Variants in OR10R2 observed in about 807,000 individuals in gnomAD.
The protein encoded by OR10R2 is olfactory receptor family 10 subfamily R member 2, also known as olfactory receptor 10R2.
In OR10R2, 1 loss-of-function variant was observed where a neutral mutation model predicts 2.4. The observed-to-expected ratio is 0.41, with a 90% CI of 0.15 to 1.95. The LOEUF is 1.95. Among genes scored for constraint, OR10R2 ranks in the 30% most tolerant of loss-of-function variants. The probability of loss-of-function intolerance (pLI) is 0.30; values close to 1 mark genes in which losing one functional copy is unlikely to be tolerated. For synonymous variants in OR10R2, 166 were observed against 144.8 expected (o/e 1.15, Z -1.05); for missense variants, 419 against 373.0 (o/e 1.12, Z -1.01).
chr1:158,480,859 A>G (rs753823538), exon 2 of OR10R2: 1 of 1,523,606 alleles, frequency 6.6e-7, no homozygotes, highest in Admixed American at 2.0e-5. Flanking sequence ...GTTGGGCAAG[A>G]AAGGTTCTCT....
chr1:158,475,483 C>T (rs534084262), intron 1 of OR10R2, among the ~76,000 whole-genome samples: 3 of 151,978 alleles, frequency 2.0e-5, no homozygotes, highest in African/African-American at 7.2e-5. Flanking sequence ...ATTTGAAATA[C>T]ACTTCAAGTT....
At chr1:158,476,821 CTGA>C (rs1656280696) in intron 1 of OR10R2, among the ~76,000 whole-genome samples, 1 of 152,060 alleles carries the variant, frequency 6.6e-6, no homozygotes, top group Non-Finnish European at 1.5e-5. Flanking sequence ...TTGCATTTCT[CTGA>C]TGATTATTGA....
chr1:158,479,790 A>G, intron 1 of OR10R2, 148 bp from the exon 2 acceptor site: 1 of 747,216 alleles, frequency 1.3e-6, no homozygotes, highest in South Asian at 1.8e-5. Context: ...CCATGAACCA[A>G]TGAACATGAG....
chr1:158,472,413 A>G (rs972512860), intron 1 of OR10R2, 61 bp downstream of exon 1: 2 of 398,800 alleles, frequency 5.0e-6, no homozygotes, highest in Non-Finnish European at 8.9e-6. Flanking sequence ...TGTGTAATAT[A>G]TTGGGAATAT....
intron 1 of OR10R2, among the ~76,000 whole-genome samples, chr1:158,476,409 G>T (rs6662673): frequency 4.7e-4 from 72 of 151,736 alleles, no homozygotes; most frequent in African/African-American, 1.6e-3. Flanking sequence ...TTAGCTGGGC[G>T]TGGTGGCAGG....
chr1:158,473,748 C>A (rs890807710), intron 1 of OR10R2, among the ~76,000 whole-genome samples: 1 of 147,912 alleles, frequency 6.8e-6, no homozygotes, highest in Non-Finnish European at 1.5e-5. Context: ...CCTTTCCCTC[C>A]CTTTCTTTAT....
chr1:158,479,963 T>C (rs1656348560), exon 2 of OR10R2: 5 of 1,613,964 alleles, frequency 3.1e-6, no homozygotes, highest in Non-Finnish European at 3.4e-6. Flanking sequence ...CTCACCATGG[T>C]CACCGAATTC....
At chr1:158,472,621 C>A (rs1216481989) in intron 1 of OR10R2, among the ~76,000 whole-genome samples, 1 of 152,118 alleles carries the variant, frequency 6.6e-6, no homozygotes, top group Non-Finnish European at 1.5e-5. Context: ...ATATTTATGT[C>A]ATTTTAAAGA....
intron 1 of OR10R2, among the ~76,000 whole-genome samples, chr1:158,479,322 G>T (rs1328872826): frequency 6.6e-6 from 1 of 152,024 alleles, no homozygotes; most frequent in African/African-American, 2.4e-5. Context: ...GGTCAGAATT[G>T]CTCTTTATTT....
At chr1:158,475,513 A>C (rs1656253467) in intron 1 of OR10R2, among the ~76,000 whole-genome samples, 1 of 151,906 alleles carries the variant, frequency 6.6e-6, no homozygotes. Context: ...TTTTAACATA[A>C]ATTTTTATAT....
At chr1:158,475,909 A>G (rs2213947) in intron 1 of OR10R2, among the ~76,000 whole-genome samples, 65,622 of 151,792 alleles carry the variant, frequency 0.43, 14,399 homozygotes, top group East Asian at 0.57. Flanking sequence ...TTAAAGATGT[A>G]TTTATTAAGT....
At position 158,480,784 on chromosome 1, in the gene OR10R2, C is replaced by A. The variant is rs747248120; in HGVS notation, c.874C>A (p.Pro292Thr). Reference sequence around the variant, plus strand: ...GACGGTGACATACACGATTGTCACTCCATTACTAAACCCCATGGTTTATAG... The same window carrying A: ...GACGGTGACATACACGATTGTCACTACATTACTAAACCCCATGGTTTATAG... Residue 292 changes from proline to threonine, a missense_variant, in exon 2 of 2, where the codon CCA becomes ACA. Coordinates refer to ENST00000641067, the Ensembl canonical transcript of OR10R2. The A allele has an allele frequency of 3.1e-6, 5 of 1,613,408 alleles. No individual in the cohort carries two copies. In the African/African-American group the frequency reaches 6.7e-5, roughly 22 times the overall value.
At position 158,480,094 on chromosome 1, in the gene OR10R2, A is replaced by T. The variant is rs760466675; in HGVS notation, c.184A>T (p.Lys62Ter). 29 of 1,613,754 alleles carry T rather than the reference A, an allele frequency of 1.8e-5. No homozygotes were observed. Among genetic ancestry groups the T allele is most frequent in the Middle Eastern group, 1.7e-4 (1 of 6,060 alleles). The change falls in exon 2 of 2, where the codon AAA becomes TAA. Residue 62 changes from lysine (K) to a stop codon, truncating the protein, a stop_gained. Transcript: ENST00000641067. LOFTEE classifies it low-confidence loss of function (END_TRUNC). ...CATTATCAGTGTCATCCACCTGGAT[A>T]AAAGCCTCCACACACCAATGTACTT...
At chr1:158,480,078 T>C in exon 2 of OR10R2, 2 of 1,614,010 alleles carry the variant, frequency 1.2e-6, no homozygotes, top group Non-Finnish European at 1.7e-6. Context: ...CCATTATCAG[T>C]GTCATCCACC....
rs970476352 is a variant in OR10R2 at position 158,476,454 on chromosome 1, A to G, written c.28-3484A>G. 5.3e-5 allele frequency among the ~76,000 whole-genome samples: 8 copies of G among 150,536 alleles called. No individual in the cohort carries two copies. In the East Asian group the frequency reaches 1.6e-3, roughly 30 times the overall value. On this transcript the variant is annotated intron_variant, in intron 1 of 1. Coordinates refer to ENST00000641067, the Ensembl canonical transcript of OR10R2. Reference sequence around the variant, plus strand: ...TCCCAGCTACTCAGGAGGCTGAGGCAGGAGAATTGCTTGAACCCGGGAGGC... The same window carrying G: ...TCCCAGCTACTCAGGAGGCTGAGGCGGGAGAATTGCTTGAACCCGGGAGGC...
At chr1:158,480,376 G>C in exon 2 of OR10R2, 2 of 1,614,146 alleles carry the variant, frequency 1.2e-6, no homozygotes, top group South Asian at 1.1e-5. Flanking sequence ...ACTGGCAGCT[G>C]CCTGTGCAAT....
In OR10R2 at chr1:158,480,137, C is replaced by A; in HGVS notation, c.227C>A (p.Ser76Ter). The change falls in exon 2 of 2, where the codon TCA (serine) becomes TAA (stop). Residue 76 changes from serine (S) to a stop codon, truncating the protein, a stop_gained. Transcript: ENST00000641067. LOFTEE classifies it low-confidence loss of function (END_TRUNC). ...ATGTACTTCTTCCTTGGCATTCTCT[C>A]AACATCTGAGACCTTCTACACCTTT... is the stretch of plus-strand genomic sequence containing the variant. 1 of 1,613,900 alleles carries A rather than the reference C, an allele frequency of 6.2e-7. No individual in the cohort carries two copies.
At chr1:158,480,325 C>T (rs1436471551) in exon 2 of OR10R2, 2 of 1,614,150 alleles carry the variant, frequency 1.2e-6, no homozygotes, top group Non-Finnish European at 8.5e-7. Flanking sequence ...TTGTCACCCT[C>T]TGCATTACCC....
intron 1 of OR10R2, among the ~76,000 whole-genome samples, chr1:158,477,112 C>T (rs1205519459): frequency 6.6e-6 from 1 of 152,106 alleles, no homozygotes; most frequent in African/African-American, 2.4e-5. Flanking sequence ...TCAATAGATG[C>T]AGAAAATTTT....
Sources: allele counts gnomAD v4.1 joint callset (sites outside exome capture counted in the v4.1 genomes callset), GRCh38; gene constraint gnomAD v4.1.1; transcripts MANE v1.5; gene names NCBI Gene and HGNC (gene_info 2026-07-23, HGNC 2026-07-21).